Variants in EIF3H observed in about 807,000 individuals in gnomAD.
EIF3H encodes the protein eIF-3-gamma.
In EIF3H, 26 loss-of-function variants were observed where a neutral mutation model predicts 44.2. The ratio of observed to expected loss-of-function variants is 0.59; its 90% CI spans 0.43 to 0.82. EIF3H has a LOEUF of 0.82. Among genes scored for constraint, EIF3H ranks in the 40% least tolerant of loss-of-function variants. EIF3H has a pLI of 0.00. For synonymous variants in EIF3H, 166 were observed against 151.9 expected (o/e 1.09, Z -0.68); for missense variants, 359 against 432.8 (o/e 0.83, Z 1.51).
chr8:116,726,202 A>T, intron 1 of EIF3H, 30 bp from the exon 2 acceptor site: 3 of 1,583,774 alleles, frequency 1.9e-6, no homozygotes, highest in Non-Finnish European at 2.6e-6. Context: ...AAGGGAGCTT[A>T]ACAACCATCC....
chr8:116,722,627 G>A lies in EIF3H; in HGVS notation c.289+3389C>T, dbSNP rs150164858. 1.7e-3 allele frequency among the ~76,000 whole-genome samples: 252 copies of A among 152,278 alleles called. 1 individual carries two copies. Among genetic ancestry groups the A allele is most frequent in the South Asian group, 2.7e-3 (13 of 4,828 alleles). On this transcript the variant is annotated intron_variant, in intron 2 of 7. Coordinates refer to ENST00000521861, the MANE Select transcript of EIF3H (RefSeq NM_003756.3). ...TTAAATTTCACACAAATAGCAGCATGTAGTGCTTATTCTGCAGCTTGCTTT... is the reference window on the plus strand; with the variant it reads ...TTAAATTTCACACAAATAGCAGCATATAGTGCTTATTCTGCAGCTTGCTTT...
At chr8:116,732,536 T>C (rs1485667006) in intron 1 of EIF3H, among the ~76,000 whole-genome samples, 1 of 152,208 alleles carries the variant, frequency 6.6e-6, no homozygotes, top group Admixed American at 6.5e-5. Context: ...AGCTTTCTGA[T>C]GAACTAGAAT....
intron 2 of EIF3H, among the ~76,000 whole-genome samples, chr8:116,700,374 A>C (rs1296180249): frequency 5.9e-5 from 9 of 152,170 alleles, no homozygotes; most frequent in African/African-American, 1.9e-4. Context: ...CAAATTCGTA[A>C]ACTTTCTTCA....
In EIF3H at chr8:116,762,543, C is replaced by T. The variant is rs189638118; in HGVS notation, c.-27+2972G>A. 7.2e-5 allele frequency among the ~76,000 whole-genome samples: 11 copies of T among 152,330 alleles called. No homozygotes were observed. In the East Asian group the frequency reaches 2.1e-3, roughly 29 times the overall value. On this transcript the variant is annotated intron_variant, in intron 1 of 9. Transcript: ENST00000276682. ...AGTGCCCACTGCCAAGCTAAGTTGA[C>T]TTCCTTTAAGCCGGCTTCCCAGAAT... is the stretch of plus-strand genomic sequence containing the variant.
rs1813260893 is a variant in EIF3H, at chr8:116,644,014, GT to G, written c.*991del. 1 of 152,150 alleles carries G rather than the reference GT, an allele frequency of 6.6e-6. No homozygotes were observed. Among genetic ancestry groups the G allele is most frequent in the Admixed American group, 6.5e-5 (1 of 15,276 alleles). The allele number at this position is 152,150 out of a possible 1,614,324, so 9.4% of individuals were successfully genotyped here. On this transcript the variant is annotated 3_prime_UTR_variant, in exon 8 of 8. Transcript: ENST00000521861. Reference sequence around the variant, plus strand: ...GCTGTTAGCAGAATTATACTTCATGGTTTCGGAAGACAAATGTGAAGTCCTA... The same window carrying G: ...GCTGTTAGCAGAATTATACTTCATGGTTCGGAAGACAAATGTGAAGTCCTA...
chr8:116,736,353 C>T (rs1815039600), intron 1 of EIF3H, among the ~76,000 whole-genome samples: 1 of 152,098 alleles, frequency 6.6e-6, no homozygotes, highest in Admixed American at 6.5e-5. Context: ...AAAGTTCATC[C>T]AACTGTGCAT....
Position 116,655,878 on chromosome 8 carries a change from C to A in EIF3H, c.685G>T (p.Glu229Ter). Residue 229 changes from glutamate to a stop codon, truncating the protein, a stop_gained, in exon 5 of 8, where the codon GAA (glutamate) becomes TAA (stop). Coordinates refer to ENST00000521861, the MANE Select transcript of EIF3H (RefSeq NM_003756.3). LOFTEE classifies it high-confidence loss of function. The stretch of plus-strand genomic sequence containing the variant: ...TACCTGCTGGCAAGGCTGAGCAATT[C>A]ATGTTTATCTGCAACAGCTGACTTC... ...EKKSAVADKHELLSLASSNHL... is the reference protein window; with the variant it reads ...EKKSAVADKH 6.2e-7 allele frequency: 1 copy of A among 1,613,742 alleles called. No homozygotes were observed. The highest frequency in any genetic ancestry group is 8.5e-7 in the Non-Finnish European group (1 of 1,179,754).
At chr8:116,716,290 T>C (rs1814658303) in intron 2 of EIF3H, among the ~76,000 whole-genome samples, 1 of 152,110 alleles carries the variant, frequency 6.6e-6, no homozygotes, top group Admixed American at 6.6e-5. Flanking sequence ...TTTGGCCTCA[T>C]ACCATTATCT....
At chr8:116,645,316 A>C (rs1035299474) in intron 7 of EIF3H, among the ~76,000 whole-genome samples, 5 of 152,130 alleles carry the variant, frequency 3.3e-5, no homozygotes, top group Non-Finnish European at 7.4e-5. Flanking sequence ...AAGAAAAACT[A>C]CTCCTCAAAA....
chr8:116,648,302 G>A (rs1372849874), intron 6 of EIF3H, among the ~76,000 whole-genome samples: 4 of 152,336 alleles, frequency 2.6e-5, no homozygotes, highest in Middle Eastern at 3.4e-3. Flanking sequence ...GGTCACAGCC[G>A]TAGATGTGTG....
chr8:116,648,046 A>G (rs1206137625), intron 6 of EIF3H, among the ~76,000 whole-genome samples: 1 of 152,242 alleles, frequency 6.6e-6, no homozygotes, highest in African/African-American at 2.4e-5. Context: ...ATTTAAATAC[A>G]ACATTCTTAG....
At chr8:116,697,033 T>C (rs769283659) in intron 2 of EIF3H, 9 of 455,104 alleles carry the variant, frequency 2.0e-5, no homozygotes, top group Non-Finnish European at 4.0e-5. Context: ...GTAGTCTCAC[T>C]GTGGACAGCC....
intron 1 of EIF3H, among the ~76,000 whole-genome samples, chr8:116,765,332 A>G (rs1306483802): frequency 2.0e-5 from 3 of 152,244 alleles, no homozygotes; most frequent in Non-Finnish European, 2.9e-5. Context: ...TATAGATCTT[A>G]TTCCAATTTC....
intron 2 of EIF3H, among the ~76,000 whole-genome samples, chr8:116,697,740 A>C (rs1814293219): frequency 6.6e-6 from 1 of 152,186 alleles, no homozygotes; most frequent in Admixed American, 6.5e-5. Context: ...AAAGCTTCTA[A>C]ATTTCAACTG....
At chr8:116,681,993 T>G (rs1249862317) in intron 2 of EIF3H, among the ~76,000 whole-genome samples, 1 of 152,168 alleles carries the variant, frequency 6.6e-6, no homozygotes, top group Non-Finnish European at 1.5e-5. Flanking sequence ...CGGAAGTATT[T>G]CAAGAGGTAA....
rs1198652111 is a variant in EIF3H, at chr8:116,755,676, A to C, written c.122T>G (p.Ile41Arg). 2 of 1,614,144 alleles carry C rather than the reference A, an allele frequency of 1.2e-6. No homozygotes were observed. Among genetic ancestry groups the C allele is most frequent in the Non-Finnish European group, 1.7e-6 (2 of 1,180,028 alleles). ...SGDSAVKQVQ[I>R]DGLVVLKIIK... is the part of the protein sequence containing the mutation. ...AAGAACAGCACTCACAAGGCCATCT[A>C]TCTGCACTTGCTTCACGGCTGAATC... The change falls in exon 1 of 8, where the codon ATA becomes AGA. Residue 41 changes from isoleucine to arginine, a missense_variant. By Grantham distance (97) the Ile-to-Arg change is moderately conservative. Coordinates refer to ENST00000521861, the MANE Select transcript of EIF3H (RefSeq NM_003756.3).
chr8:116,679,415 A>G (rs1392885497), intron 2 of EIF3H, among the ~76,000 whole-genome samples: 21 of 29,650 alleles, frequency 7.1e-4, no homozygotes, highest in East Asian at 1.9e-3. Flanking sequence ...AGGTGGGGGG[A>G]TCAGCCCCCC....
intron 2 of EIF3H, among the ~76,000 whole-genome samples, chr8:116,679,006 C>G (rs1459290865): frequency 2.4e-4 from 18 of 76,490 alleles, no homozygotes; most frequent in African/African-American, 5.8e-4. Context: ...GGTCAGCCCC[C>G]CGCCCGGCCA....
intron 1 of EIF3H, chr8:116,737,301 A>T (rs1014305820): frequency 2.3e-6 from 1 of 436,838 alleles, no homozygotes; most frequent in Non-Finnish European, 4.5e-6. Flanking sequence ...GGGAAGAAAA[A>T]AAAAAGACTT....
Sources: gnomAD v4.1 joint callset for allele counts (sites outside exome capture counted in the v4.1 genomes callset) on GRCh38, gnomAD v4.1.1 for gene constraint, MANE v1.5 for transcripts, NCBI Gene and HGNC (gene_info 2026-07-23, HGNC 2026-07-21) for gene names.